The following RNASET2 variants were observed in gnomAD, a reference collection of about 807,000 sequenced individuals.
The protein encoded by RNASET2 is ribonuclease 6.
A neutral mutation model predicts 33.9 loss-of-function variants in RNASET2; 28 were observed. The ratio of observed to expected loss-of-function variants is 0.83; its 90% CI spans 0.61 to 1.13. The LOEUF (loss-of-function observed/expected upper bound fraction) is 1.13, where lower values mean the gene tolerates loss of function less well. Among genes scored for constraint, RNASET2 ranks in the 50% most tolerant of loss-of-function variants. The probability of loss-of-function intolerance (pLI) is 0.00; values close to 1 mark genes in which losing one functional copy is unlikely to be tolerated. For synonymous variants in RNASET2, 123 were observed against 121.0 expected, an observed-to-expected ratio of 1.02 and a Z score of -0.11; for missense variants, 330 against 319.9, an observed-to-expected ratio of 1.03 and a Z score of -0.24.
chr6:166,949,798 C>T lies in RNASET2; in HGVS notation c.148-1173G>A, dbSNP rs1778939673. Among the ~76,000 whole-genome samples, 3 of 152,178 alleles carry T rather than the reference C, an allele frequency of 2.0e-5. No individual in the cohort carries two copies. The South Asian group carries it at 6.2e-4, about 32-fold the overall frequency. On this transcript the variant is annotated intron_variant, in intron 2 of 8. Coordinates refer to ENST00000508775, the MANE Select transcript of RNASET2 (RefSeq NM_003730.6). ...ACGGGGCTCTGAGGGCTCTGCACAG[C>T]ACTCAGTTCCCAGGCCTGCCTGCAT... is the stretch of plus-strand genomic sequence containing the variant.
rs1041252681 is a variant in RNASET2 at position 166,929,198 on chromosome 6, C to A, written c.*390G>T. On this transcript the variant is annotated 3_prime_UTR_variant, in exon 9 of 9. Coordinates refer to ENST00000508775, the MANE Select transcript of RNASET2 (RefSeq NM_003730.6). ...GCGTGGGCTCCTGCCATGCGTGGAG[C>A]TCTTCGTCTTGACAGGGTCCCTGCG... Among the ~76,000 whole-genome samples the A allele has an allele frequency of 6.6e-6, 1 of 152,248 alleles. No individual in the cohort carries two copies. The highest frequency in any genetic ancestry group is 2.4e-5 in the African/African-American group (1 of 41,476).
chr6:166,930,966 A>C (rs1193445997), intron 8 of RNASET2, 78 bp downstream of exon 8: 21 of 977,462 alleles, frequency 2.1e-5, no homozygotes, highest in African/African-American at 3.2e-5. Flanking sequence ...AGGGAACTGC[A>C]TGGTGAAGAC....
rs555069953 is a variant in RNASET2, at chr6:166,926,021, A to G, written c.*3567T>C. On this transcript the variant is annotated 3_prime_UTR_variant, in exon 9 of 9. Coordinates refer to ENST00000508775, the MANE Select transcript of RNASET2 (RefSeq NM_003730.6). The stretch of plus-strand genomic sequence containing the variant: ...CACAAACACGGTGCCAGCGTCCAGC[A>G]CTGACAGTCAGGTGGCGTGGCAGTC... 6.6e-6 allele frequency among the ~76,000 whole-genome samples: 1 copy of G among 152,338 alleles called. No homozygotes were observed. Among genetic ancestry groups the G allele is most frequent in the Non-Finnish European group, 1.5e-5 (1 of 68,022 alleles).
chr6:166,942,904 A>G, intron 5 of RNASET2, 115 bp downstream of exon 5: 3 of 853,894 alleles, frequency 3.5e-6, no homozygotes, highest in Non-Finnish European at 5.9e-6. Context: ...GCTCAGCCCC[A>G]GAAGACAGAT....
rs1218727133 is a variant in RNASET2 at position 166,946,782 on chromosome 6, T to C, written c.204-43A>G. 1.2e-5 allele frequency: 15 copies of C among 1,226,422 alleles called. No individual in the cohort carries two copies. In the East Asian group the frequency reaches 3.8e-4, roughly 31 times the overall value. The allele number at this position is 1,226,422 out of a possible 1,614,324, so 76.0% of individuals were successfully genotyped here. ...AAAGAGAAAATAAGAAATATTAGGC[T>C]TGGTTGGGGTGGCTTCTACATGACC... On this transcript the variant is annotated intron_variant, in intron 3 of 8. Coordinates refer to ENST00000508775, the MANE Select transcript of RNASET2 (RefSeq NM_003730.6).
intron 5 of RNASET2, among the ~76,000 whole-genome samples, chr6:166,939,785 G>A (rs915667105): frequency 6.6e-6 from 1 of 152,188 alleles, no homozygotes; most frequent in African/African-American, 2.4e-5. Flanking sequence ...ATTCTACATA[G>A]AGGACAATAA....
intron 2 of RNASET2, among the ~76,000 whole-genome samples, chr6:166,951,490 CG>C (rs1024414380): frequency 1.1e-4 from 17 of 152,320 alleles, no homozygotes; most frequent in Admixed American, 1.1e-3. Context: ...ACCACTAGAC[CG>C]AGGTCAGCTA....
chr6:166,954,993 AAAAT>A (rs1269826105), intron 1 of RNASET2, among the ~76,000 whole-genome samples: 5 of 151,926 alleles, frequency 3.3e-5, no homozygotes, highest in East Asian at 3.8e-4. Flanking sequence ...TGTCTAAAAA[AAAAT>A]AAATAAGTAA....
chr6:166,924,213 G>T lies in RNASET2; in HGVS notation c.*5375C>A, dbSNP rs1224089419. ...CTGGCTTCAAGTGATTCATTCTCCT[G>T]CCTCAGCCTCCCGAGTAGCTGGGAC... On this transcript the variant is annotated 3_prime_UTR_variant, in exon 9 of 9. Transcript: ENST00000508775. Among the ~76,000 whole-genome samples, 1 of 152,048 alleles carries T rather than the reference G, an allele frequency of 6.6e-6. No individual in the cohort carries two copies. Among genetic ancestry groups the T allele is most frequent in the African/African-American group, 2.4e-5 (1 of 41,404 alleles).
At chr6:166,955,978 TC>T in intron 1 of RNASET2, 118 bp downstream of exon 1, 1 of 907,744 alleles carries the variant, frequency 1.1e-6, no homozygotes, top group Non-Finnish European at 1.6e-6. Flanking sequence ...CCCCCCGCCC[TC>T]CCCAGTCGCT....
At chr6:166,930,796 A>G (rs953404728) in intron 8 of RNASET2, among the ~76,000 whole-genome samples, 1 of 147,302 alleles carries the variant, frequency 6.8e-6, no homozygotes, top group Admixed American at 6.7e-5. Flanking sequence ...GCACATGCCC[A>G]CATGCATGTA....
chr6:166,930,868 A>AT (rs1778418813), intron 8 of RNASET2, among the ~76,000 whole-genome samples, 176 bp downstream of exon 8: 1 of 151,464 alleles, frequency 6.6e-6, no homozygotes, highest in African/African-American at 2.4e-5. Flanking sequence ...CACACAGCAC[A>AT]TGCACACATG....
rs921115751 is a variant in RNASET2 at position 166,926,565 on chromosome 6, A to C, written c.*3023T>G. ...AAAAAAAAAGAAAAGAAAAGAAAAG[A>C]TATCTAGTTCTGAATATGATACAAT... On this transcript the variant is annotated 3_prime_UTR_variant, in exon 9 of 9. Coordinates refer to ENST00000508775, the MANE Select transcript of RNASET2 (RefSeq NM_003730.6). Among the ~76,000 whole-genome samples, 46 of 151,622 alleles carry C rather than the reference A, an allele frequency of 3.0e-4. No individual in the cohort carries two copies. The highest frequency in any genetic ancestry group is 1.1e-3 in the African/African-American group (45 of 41,390).
intron 1 of RNASET2, among the ~76,000 whole-genome samples, chr6:166,954,549 A>C (rs1423072380): frequency 6.6e-6 from 1 of 152,240 alleles, no homozygotes; most frequent in African/African-American, 2.4e-5. Context: ...CCACTCAGCC[A>C]GCAAGGGCCA....
intron 1 of RNASET2, chr6:166,953,450 A>G (rs573180397): frequency 6.6e-6 from 1 of 152,374 alleles, no homozygotes; most frequent in South Asian, 2.1e-4. Flanking sequence ...TTAGAAGGGA[A>G]GATTCCAAGT....
intron 3 of RNASET2, among the ~76,000 whole-genome samples, chr6:166,948,254 G>A (rs1027861337): frequency 6.6e-6 from 1 of 152,024 alleles, no homozygotes; most frequent in East Asian, 1.9e-4. Context: ...GCTGGAGCAG[G>A]AGAATCACTT....
intron 1 of RNASET2, 121 bp downstream of exon 1, chr6:166,955,976 C>T: frequency 8.7e-7 from 1 of 1,152,688 alleles, no homozygotes. Flanking sequence ...CTCCCCCCGC[C>T]CTCCCCAGTC....
intron 6 of RNASET2, 110 bp from the exon 7 acceptor site, chr6:166,934,246 A>G (rs1778514004): frequency 1.3e-6 from 1 of 773,988 alleles, no homozygotes; most frequent in African/African-American, 1.7e-5. Flanking sequence ...CTTAAAGGAA[A>G]GTGTTTTCTA....
rs1778263628 is a variant in RNASET2 at position 166,923,498 on chromosome 6, G to T, written c.*6090C>A. Among the ~76,000 whole-genome samples the T allele has an allele frequency of 6.6e-6, 1 of 151,888 alleles. No homozygotes were observed. The highest frequency in any genetic ancestry group is 2.4e-5 in the African/African-American group (1 of 41,310). The stretch of plus-strand genomic sequence containing the variant: ...GCCTCCCAAGGTGCTAGGATTACAG[G>T]TATAAGCCACTGCGCCTGGCCCATC... On this transcript the variant is annotated 3_prime_UTR_variant, in exon 9 of 9. Coordinates refer to ENST00000508775, the MANE Select transcript of RNASET2 (RefSeq NM_003730.6).
Sources: gnomAD v4.1 joint callset for allele counts (sites outside exome capture counted in the v4.1 genomes callset) on GRCh38, gnomAD v4.1.1 for gene constraint, MANE v1.5 for transcripts, NCBI Gene and HGNC (gene_info 2026-07-23, HGNC 2026-07-21) for gene names.